The following ARRDC2 variants were observed in gnomAD, a reference collection of about 807,000 sequenced individuals.
The protein encoded by ARRDC2 is arrestin domain containing 2, also known as arrestin domain-containing protein 2.
Under a neutral mutation model 38.9 loss-of-function variants are expected in ARRDC2, and 39 were observed. That is an observed-to-expected ratio of 1.00 (90% CI 0.78 to 1.31). ARRDC2 has a LOEUF of 1.31. ARRDC2 is among the 50% of genes most tolerant of loss of function. ARRDC2 has a pLI of 0.00. For synonymous variants in ARRDC2, 300 were observed against 261.9 expected, an observed-to-expected ratio of 1.15 and a Z score of -1.41; for missense variants, 553 against 588.4, an observed-to-expected ratio of 0.94 and a Z score of 0.62.
intron 2 of ARRDC2, 82 bp from the exon 3 acceptor site, chr19:18,008,889 G>A (rs890118153): frequency 1.3e-6 from 2 of 1,594,154 alleles, no homozygotes; most frequent in East Asian, 2.2e-5. Flanking sequence ...CCCCTGGGAG[G>A]CCCCCGGAGT....
chr19:18,006,446 G>C (rs924634388), upstream of ARRDC2, among the ~76,000 whole-genome samples: 16 of 152,340 alleles, frequency 1.1e-4, no homozygotes, highest in African/African-American at 3.4e-4. Context: ...CCAACACAGC[G>C]AAACCCCTTC....
rs2033365647 is a variant in ARRDC2 at position 18,009,708 on chromosome 19, C to T, written c.592+14C>T. The T allele has an allele frequency of 8.1e-6, 13 of 1,611,370 alleles. No individual in the cohort carries two copies. The highest frequency in any genetic ancestry group is 2.2e-5 in the East Asian group (1 of 44,828). ...GCTACACCCCAGGTAGCAGGCGGACCGGACTGGGTTGGGACGGGGGCTGGT... is the reference window on the plus strand; with the variant it reads ...GCTACACCCCAGGTAGCAGGCGGACTGGACTGGGTTGGGACGGGGGCTGGT... On this transcript the variant is annotated intron_variant, in intron 4 of 7. Transcript: ENST00000222250.
At chr19:18,007,703 C>T (rs533012827), upstream of ARRDC2, 238 of 156,584 alleles carry the variant, frequency 1.5e-3, no homozygotes, top group Non-Finnish European at 2.4e-3. Flanking sequence ...GTCCCACCCA[C>T]CTCCTCCACT....
chr19:18,004,861 AT>A (rs2033240959), upstream of ARRDC2, among the ~76,000 whole-genome samples: 1 of 151,420 alleles, frequency 6.6e-6, no homozygotes, highest in African/African-American at 2.4e-5. Context: ...TTAGCGGGGC[AT>A]GGTGGTACAC....
At chr19:18,009,442 G>A in intron 3 of ARRDC2, 150 bp from the exon 4 acceptor site, 2 of 714,192 alleles carry the variant, frequency 2.8e-6, no homozygotes, top group East Asian at 2.7e-5. Flanking sequence ...TTGTGTTCCT[G>A]GCTCTATTTA....
At chr19:18,005,197 C>G (rs1222734662), upstream of ARRDC2, among the ~76,000 whole-genome samples, 1 of 151,666 alleles carries the variant, frequency 6.6e-6, no homozygotes, top group African/African-American at 2.4e-5. Flanking sequence ...TGACTCTTAA[C>G]GAGCATGCTG....
chr19:18,002,873 C>T (rs1189606893), intron 1 of ARRDC2, among the ~76,000 whole-genome samples: 1 of 152,132 alleles, frequency 6.6e-6, no homozygotes, highest in Non-Finnish European at 1.5e-5. Context: ...GAGGCTGAGG[C>T]GGGCAGATCA....
upstream of ARRDC2, among the ~76,000 whole-genome samples, chr19:18,003,885 C>T (rs1314282123): frequency 4.0e-5 from 6 of 151,898 alleles, no homozygotes; most frequent in Non-Finnish European, 5.9e-5. Flanking sequence ...GTGATCTGCC[C>T]GCCTCGGCCT....
chr19:18,008,135 T>G, upstream of ARRDC2: 18 of 255,344 alleles, frequency 7.0e-5, no homozygotes, highest in Non-Finnish European at 8.5e-5. Flanking sequence ...CCCCCCGCCC[T>G]GCCGTATAAA....
rs1234217876 is a variant in ARRDC2, at chr19:18,008,196, G to A, written c.-115G>A. On this transcript the variant is annotated 5_prime_UTR_variant, in exon 1 of 8. Transcript: ENST00000222250. ...ATTTTCTGCTCCGGTTGGTGAGCGC[G>A]CCTGCGCGTTGACGGCGATTTTGCG... 9.0e-6 allele frequency: 13 copies of A among 1,451,760 alleles called. No individual in the cohort carries two copies. The highest frequency in any genetic ancestry group is 7.7e-5 in the African/African-American group (5 of 65,048). 89.9% of individuals were successfully genotyped at this position (1,451,760 alleles called of 1,614,324 possible).
At chr19:18,001,488 G>A in exon 1 of ARRDC2, 5 of 1,332,624 alleles carry the variant, frequency 3.8e-6, no homozygotes, top group Non-Finnish European at 3.8e-6. Flanking sequence ...ACTGGTTGGA[G>A]GGTCGCAGCG....
At chr19:18,011,952 A>ATATTTTT (rs1408676551) in intron 7 of ARRDC2, among the ~76,000 whole-genome samples, 1 of 100,780 alleles carries the variant, frequency 9.9e-6, no homozygotes, top group African/African-American at 4.3e-5. Context: ...ATATATATAT[A>ATATTTTT]TTTTTTTTTT....
At chr19:18,008,895 G>C (rs866578224) in intron 2 of ARRDC2, 76 bp from the exon 3 acceptor site, 1 of 1,600,130 alleles carries the variant, frequency 6.2e-7, no homozygotes, top group Non-Finnish European at 8.5e-7. Flanking sequence ...GGAGGCCCCC[G>C]GAGTGTCTGT....
chr19:18,005,008 T>TTA (rs1568465335), upstream of ARRDC2, among the ~76,000 whole-genome samples: 10 of 145,406 alleles, frequency 6.9e-5, no homozygotes, highest in African/African-American at 2.2e-4. Context: ...AAAGCAAATT[T>TTA]AAAAAAAATT....
chr19:18,011,744 C>A (rs2033415668), intron 7 of ARRDC2, among the ~76,000 whole-genome samples: 1 of 151,394 alleles, frequency 6.6e-6, no homozygotes, highest in Non-Finnish European at 1.5e-5. Context: ...TGGAGCCCAT[C>A]TATGATTGGG....
At chr19:18,007,252 G>C (rs8112770), upstream of ARRDC2, 5,480 of 152,396 alleles carry the variant, frequency 0.036, 306 homozygotes, top group African/African-American at 0.12. Flanking sequence ...GAGAGGTCAC[G>C]CCGTCCCGTG....
Position 18,013,267 on chromosome 19 carries a change from C to T in ARRDC2, c.*301C>T, listed in dbSNP as rs1264416639. On this transcript the variant is annotated 3_prime_UTR_variant, in exon 8 of 8. Coordinates refer to ENST00000222250, the MANE Select transcript of ARRDC2 (RefSeq NM_015683.2). ...GGTGCTGGAATCCCCTAGGAGCCTT[C>T]AGTCTGGGAGAAACAGAGCCAGACA... The T allele has an allele frequency of 2.8e-6, 1 of 358,934 alleles. No homozygotes were observed. Among genetic ancestry groups the T allele is most frequent in the Non-Finnish European group, 5.1e-6 (1 of 196,760 alleles). The allele number at this position is 358,934 out of a possible 1,614,324, so 22.2% of individuals were successfully genotyped here. A position where few individuals can be genotyped will look rare whatever the true frequency, so the allele number is the denominator to read the frequency against.
upstream of ARRDC2, among the ~76,000 whole-genome samples, chr19:18,005,915 C>T (rs1203690423): frequency 2.0e-5 from 3 of 147,190 alleles, no homozygotes; most frequent in South Asian, 4.4e-4. Flanking sequence ...TCAGACGGGG[C>T]GGCCGGGCAG....
At position 18,008,477 on chromosome 19, in the gene ARRDC2, A is replaced by G. The variant is rs1308344062; in HGVS notation, c.167A>G (p.His56Arg). 4.6e-5 allele frequency: 70 copies of G among 1,531,370 alleles called. No homozygotes were observed. The highest frequency in any genetic ancestry group is 5.8e-5 in the Non-Finnish European group (66 of 1,146,050). 94.9% of individuals were successfully genotyped at this position (1,531,370 alleles called of 1,614,324 possible). ...AGGCTGCGCGCGCGGGGCCGCGCCC[A>G]CGTGCACTGGACCGAGTCGCGCAGC... ...ALRLRARGRA[H>R]VHWTESRSAG... The change falls in exon 1 of 8, where the codon CAC becomes CGC. Residue 56 changes from histidine (H) to arginine (R), a missense_variant. His to Arg is a conservative substitution (Grantham distance 29). This residue lies in a region of ARRDC2 where 447 missense variants were observed against 456.6 expected (regional missense o/e 0.98). Coordinates refer to ENST00000222250, the MANE Select transcript of ARRDC2 (RefSeq NM_015683.2).
Sources: allele counts gnomAD v4.1 joint callset (sites outside exome capture counted in the v4.1 genomes callset), GRCh38; gene constraint gnomAD v4.1.1; regional missense constraint gnomAD v4.1.1; transcripts MANE v1.5; gene names NCBI Gene and HGNC (gene_info 2026-07-23, HGNC 2026-07-21).